Variants in MCC observed in about 807,000 individuals in gnomAD.
MCC encodes colorectal mutant cancer protein.
Under a neutral mutation model 116.2 loss-of-function variants are expected in MCC, and 90 were observed. That is an observed-to-expected ratio of 0.77 (90% CI 0.65 to 0.92). The LOEUF is 0.92. Ranked by LOEUF, MCC falls within the 40% of genes least tolerant of loss-of-function variation. MCC has a pLI of 0.00. For missense variants in MCC, 1,516 were observed against 1,312.2 expected (o/e 1.16, Z -2.40); for synonymous variants, 578 against 510.5 (o/e 1.13, Z -1.78).
intron 1 of MCC, among the ~76,000 whole-genome samples, chr5:113,463,889 C>T (rs1253670528): frequency 1.3e-5 from 2 of 152,038 alleles, no homozygotes; most frequent in African/African-American, 4.8e-5. Context: ...TTCTAACACT[C>T]AATAGCTAGG....
At chr5:113,269,054 C>G in intron 3 of MCC, 1 of 517,886 alleles carries the variant, frequency 1.9e-6, no homozygotes, top group Non-Finnish European at 2.5e-6. Flanking sequence ...AAGAAGGCAG[C>G]AGCACAAACA....
chr5:113,040,040 A>T (rs963130365), intron 17 of MCC, among the ~76,000 whole-genome samples: 1 of 151,660 alleles, frequency 6.6e-6, no homozygotes, highest in East Asian at 1.9e-4. Flanking sequence ...CCTGTTAAGA[A>T]AACATCTCGT....
chr5:113,286,913 A>G lies in MCC; in HGVS notation c.627+53606T>C, dbSNP rs191356163. Among the ~76,000 whole-genome samples the G allele has an allele frequency of 3.3e-5, 5 of 152,336 alleles. No individual in the cohort carries two copies. In the East Asian group the frequency reaches 9.6e-4, roughly 29 times the overall value. On this transcript the variant is annotated intron_variant, in intron 3 of 18. Transcript: ENST00000408903. ...ATTTTGGCTGTTTCTAGTCAACAAG[A>G]GAAAAAGGACATTGGCTAGAAAGAC... is the stretch of plus-strand genomic sequence containing the variant.
intron 3 of MCC, among the ~76,000 whole-genome samples, chr5:113,233,704 G>C (rs1431696648): frequency 6.6e-6 from 1 of 152,146 alleles, no homozygotes; most frequent in Non-Finnish European, 1.5e-5. Flanking sequence ...GAAACATTTA[G>C]TATTAAATCA....
chr5:113,327,555 A>ATATATATAT (rs1295231073), intron 3 of MCC, among the ~76,000 whole-genome samples: 1 of 80,976 alleles, frequency 1.2e-5, no homozygotes, highest in Non-Finnish European at 2.7e-5. Context: ...CAAAAAAAAA[A>ATATATATAT]AAAAAAATAT....
Position 113,383,383 on chromosome 5 carries a change from T to C in MCC, c.415+1585A>G, listed in dbSNP as rs1769172134. ...TCATTTAATAAATATTTACTGAGTG[T>C]CTATTTTGTGTCATGCAAACTTACG... is the stretch of plus-strand genomic sequence containing the variant. On this transcript the variant is annotated intron_variant, in intron 2 of 18. Coordinates refer to ENST00000408903, the MANE Select transcript of MCC (RefSeq NM_001085377.2). 3.9e-5 allele frequency among the ~76,000 whole-genome samples: 6 copies of C among 152,346 alleles called. No individual in the cohort carries two copies. The South Asian group carries it at 1.2e-3, about 32-fold the overall frequency.
intron 3 of MCC, among the ~76,000 whole-genome samples, chr5:113,205,856 C>T (rs1372016485): frequency 1.3e-5 from 2 of 152,200 alleles, no homozygotes; most frequent in Non-Finnish European, 2.9e-5. Flanking sequence ...CTAACAATGA[C>T]GTTCAGTCAA....
intron 3 of MCC, among the ~76,000 whole-genome samples, chr5:113,262,934 G>A (rs1220436115): frequency 6.6e-6 from 1 of 152,042 alleles, no homozygotes; most frequent in Non-Finnish European, 1.5e-5. Flanking sequence ...GTGTTGAAAA[G>A]ACAATGATGG....
At chr5:113,032,848 G>A (rs1237509667) in intron 17 of MCC, among the ~76,000 whole-genome samples, 2 of 152,150 alleles carry the variant, frequency 1.3e-5, no homozygotes, top group Non-Finnish European at 2.9e-5. Flanking sequence ...ACCTCTAATC[G>A]TCCTCACTGC....
chr5:113,395,531 G>A (rs946043691), intron 1 of MCC, among the ~76,000 whole-genome samples: 12 of 152,130 alleles, frequency 7.9e-5, no homozygotes, highest in Admixed American at 1.3e-4. Flanking sequence ...AGCACCAGGC[G>A]TATATGTAAT....
chr5:113,177,695 T>C (rs1030870497), intron 3 of MCC, among the ~76,000 whole-genome samples: 1 of 152,238 alleles, frequency 6.6e-6, no homozygotes, highest in Non-Finnish European at 1.5e-5. Context: ...TCCTTTCCAT[T>C]TTTTAAAATC....
intron 3 of MCC, among the ~76,000 whole-genome samples, chr5:113,261,989 A>G (rs189386073): frequency 1.3e-5 from 2 of 152,294 alleles, no homozygotes; most frequent in Admixed American, 1.3e-4. Flanking sequence ...GTGTCTATCT[A>G]CCCCTCTGAT....
intron 2 of MCC, among the ~76,000 whole-genome samples, chr5:113,380,056 A>G (rs1201908704): frequency 6.6e-6 from 1 of 152,232 alleles, no homozygotes; most frequent in African/African-American, 2.4e-5. Flanking sequence ...AGGAGGAATG[A>G]ATCTATGGAA....
intron 5 of MCC, among the ~76,000 whole-genome samples, chr5:113,132,362 G>T (rs1030877736): frequency 7.5e-6 from 1 of 133,718 alleles, no homozygotes; most frequent in Non-Finnish European, 1.6e-5. Flanking sequence ...GTGCATATGT[G>T]TGTGTGTGTG....
chr5:113,364,612 A>G (rs1768640482), intron 2 of MCC, among the ~76,000 whole-genome samples: 1 of 152,160 alleles, frequency 6.6e-6, no homozygotes, highest in South Asian at 2.1e-4. Context: ...GGGGGCTCCA[A>G]TCCCACATTT....
At chr5:113,449,031 C>G (rs1429696816) in intron 1 of MCC, among the ~76,000 whole-genome samples, 1 of 152,188 alleles carries the variant, frequency 6.6e-6, no homozygotes, top group Non-Finnish European at 1.5e-5. Flanking sequence ...AACCTTCAGT[C>G]AGTCATCAGT....
At chr5:113,131,829 G>C (rs540504446) in intron 5 of MCC, among the ~76,000 whole-genome samples, 2 of 152,148 alleles carry the variant, frequency 1.3e-5, no homozygotes, top group Non-Finnish European at 2.9e-5. Flanking sequence ...GTAGTTCCCA[G>C]GCCCTCTTTG....
chr5:113,118,444 G>A (rs1309498262), intron 6 of MCC, among the ~76,000 whole-genome samples: 2 of 152,292 alleles, frequency 1.3e-5, no homozygotes, highest in Non-Finnish European at 2.9e-5. Flanking sequence ...TTTTTAATTG[G>A]ATCGTTTATT....
chr5:113,471,420 G>A (rs113963144), intron 1 of MCC, among the ~76,000 whole-genome samples: 1 of 152,290 alleles, frequency 6.6e-6, no homozygotes, highest in East Asian at 1.9e-4. Flanking sequence ...GTCTGTTGGA[G>A]TTTTCTAGAG....
Sources: gnomAD v4.1 joint callset for allele counts (sites outside exome capture counted in the v4.1 genomes callset) on GRCh38, gnomAD v4.1.1 for gene constraint, MANE v1.5 for transcripts, NCBI Gene and HGNC (gene_info 2026-07-23, HGNC 2026-07-21) for gene names.